The following IFT172 variants were observed in gnomAD, a reference collection of about 807,000 sequenced individuals.
IFT172 encodes intraflagellar transport protein 172 homolog.
In IFT172, 164 loss-of-function variants were observed where a neutral mutation model predicts 248.9. The observed-to-expected ratio is 0.66, with a 90% CI of 0.58 to 0.75. The LOEUF is 0.75. IFT172 is among the 30% of genes least tolerant of loss of function. The pLI, the probability that IFT172 is intolerant of heterozygous loss-of-function variation, is 0.00. For synonymous variants in IFT172, 729 were observed against 791.6 expected (o/e 0.92, Z 1.33); for missense variants, 1,950 against 2,192.4 (o/e 0.89, Z 2.21).
chr2:27,481,563 A>G (rs1668377614), intron 7 of IFT172, among the ~76,000 whole-genome samples: 1 of 148,278 alleles, frequency 6.7e-6, no homozygotes, highest in Non-Finnish European at 1.5e-5. Context: ...TTTTTTTGAG[A>G]CAGAGTCTCA....
chr2:27,476,041 T>C (rs962143693), intron 14 of IFT172, among the ~76,000 whole-genome samples: 1 of 152,122 alleles, frequency 6.6e-6, no homozygotes, highest in African/African-American at 2.4e-5. Context: ...GATTTATAAA[T>C]CTTATATGTT....
chr2:27,457,897 G>C lies in IFT172; in HGVS notation c.3055C>G (p.Leu1019Val). The part of the protein sequence containing the change: ...KHKLYDDMIR[L>V]VGKHHPDLLS... ...AGATCTGGATGGTGCTTCCCTACCA[G>C]GCGGATCATGTCATCATACAACTTG... The change falls in exon 28 of 48, where the codon CTG becomes GTG. Residue 1019 changes from leucine (L) to valine (V), a missense_variant. Coordinates refer to ENST00000260570, the MANE Select transcript of IFT172 (RefSeq NM_015662.3). 1 of 1,614,170 alleles carries C rather than the reference G, an allele frequency of 6.2e-7. No individual in the cohort carries two copies. The highest frequency in any genetic ancestry group is 8.5e-7 in the Non-Finnish European group (1 of 1,180,026).
intron 9 of IFT172, 71 bp downstream of exon 9, chr2:27,479,955 T>C (rs1450110739): frequency 5.8e-6 from 9 of 1,553,206 alleles, no homozygotes; most frequent in South Asian, 1.2e-5. Flanking sequence ...AACAGTGCTT[T>C]AGGATAAGGC....
At chr2:27,449,101 G>A (rs1409712621) in intron 39 of IFT172, 70 bp from the exon 40 acceptor site, 5 of 1,104,850 alleles carry the variant, frequency 4.5e-6, no homozygotes, top group African/African-American at 1.5e-5. Flanking sequence ...GGTGACTTGA[G>A]GCCATGTATT....
intron 17 of IFT172, 33 bp downstream of exon 17, chr2:27,465,713 C>T (rs201426175): frequency 5.6e-6 from 9 of 1,613,584 alleles, no homozygotes; most frequent in Non-Finnish European, 7.6e-6. Context: ...CAGACTCTCC[C>T]ACCACCTCAC....
In IFT172 at chr2:27,453,423, G is replaced by C. The variant is rs1558364062; in HGVS notation, c.3912C>G (p.Asp1304Glu). 1.2e-6 allele frequency: 2 copies of C among 1,614,216 alleles called. No homozygotes were observed. Among genetic ancestry groups the C allele is most frequent in the East Asian group, 2.2e-5 (1 of 44,886 alleles). ...TCTCCGCCAGGCCGCTGTTTCCAGA[G>C]TCTCGCACTTTGAGGTAGCAGTCCA... ...RAVDCYLKVR[D>E]SGNSGLAEKC... The change falls in exon 35 of 48, where the codon GAC (aspartate) becomes GAG (glutamate). Residue 1304 changes from aspartate (D) to glutamate (E), a missense_variant. This residue lies in a region of IFT172 where 620 missense variants were observed against 699.0 expected (regional missense o/e 0.89). Coordinates refer to ENST00000260570, the MANE Select transcript of IFT172 (RefSeq NM_015662.3).
intron 43 of IFT172, 96 bp from the exon 44 acceptor site, chr2:27,446,084 C>T (rs1665066061): frequency 6.7e-7 from 1 of 1,486,706 alleles, no homozygotes; most frequent in Non-Finnish European, 9.4e-7. Context: ...GCAAGCTGGG[C>T]TTGAATGCTA....
In IFT172 at chr2:27,454,450, GAGA is replaced by G. The variant is rs774607133; in HGVS notation, c.3466-35_3466-33del. The G allele has an allele frequency of 3.7e-6, 6 of 1,614,094 alleles. No individual in the cohort carries two copies. The highest frequency in any genetic ancestry group is 3.3e-5 in the Admixed American group (2 of 60,016). ...GGAGAGAAAGGCAGCCGTGCATGAT[GAGA>G]AGGAGACTGGCATCACAGGCAGGCA... On this transcript the variant is annotated intron_variant, in intron 31 of 47. Coordinates refer to ENST00000260570, the MANE Select transcript of IFT172 (RefSeq NM_015662.3). This position sits in a 1 kb window ranked among gnomAD's most constrained non-coding sequence, Gnocchi z 4.2.
chr2:27,470,423 A>C (rs988165020), intron 16 of IFT172, among the ~76,000 whole-genome samples: 1 of 152,228 alleles, frequency 6.6e-6, no homozygotes, highest in African/African-American at 2.4e-5. Flanking sequence ...GGACAAAAAG[A>C]AAGCATCAAG....
chr2:27,485,486 C>T lies in IFT172; in HGVS notation c.57G>A (p.Val19=). 1 of 1,614,034 alleles carries T rather than the reference C, an allele frequency of 6.2e-7. No homozygotes were observed. The highest frequency in any genetic ancestry group is 1.1e-5 in the South Asian group (1 of 91,074). ...TGTTCTGGGACCAAGCCATGCAGGT[C>T]ACCTTTGCAGCTCCATCCTGTAGAG... ...LLSPQDGAAK[V]TCMAWSQNNA... Residue 19 remains valine, a synonymous_variant, in exon 2 of 48, where the codon GTG becomes GTA. Coordinates refer to ENST00000260570, the MANE Select transcript of IFT172 (RefSeq NM_015662.3).
chr2:27,482,293 A>AT (rs1296311342), intron 7 of IFT172, among the ~76,000 whole-genome samples: 1 of 148,294 alleles, frequency 6.7e-6, no homozygotes, highest in East Asian at 2.0e-4. Flanking sequence ...TATACAAGTA[A>AT]TTCTTTTTTT....
chr2:27,456,374 T>G lies in IFT172; in HGVS notation c.3371+137A>C, dbSNP rs1666163358. 4.3e-6 allele frequency: 5 copies of G among 1,157,556 alleles called. No homozygotes were observed. The African/African-American group carries it at 6.2e-5, about 14-fold the overall frequency. 71.7% of individuals were successfully genotyped at this position (1,157,556 alleles called of 1,614,324 possible). On this transcript the variant is annotated intron_variant, in intron 30 of 47. Transcript: ENST00000260570. ...AACACTGTTCTGAGCCCCTAGGGAATAGAAGCAGTTAATTTATTCATGCCA... is the reference window on the plus strand; with the variant it reads ...AACACTGTTCTGAGCCCCTAGGGAAGAGAAGCAGTTAATTTATTCATGCCA...
At chr2:27,459,669 T>G (rs919611340) in intron 24 of IFT172, 40 bp downstream of exon 24, 3 of 1,609,740 alleles carry the variant, frequency 1.9e-6, no homozygotes, top group African/African-American at 2.7e-5. Flanking sequence ...TGCCCCTCAC[T>G]TCACACCTAA....
At chr2:27,455,801 T>C (rs768025773) in intron 30 of IFT172, 85 of 485,570 alleles carry the variant, frequency 1.8e-4, no homozygotes, top group Non-Finnish European at 2.9e-4. Context: ...GTTGGCATCA[T>C]GGACCATGAA....
chr2:27,485,455 T>G lies in IFT172; in HGVS notation c.88A>C (p.Lys30Gln). ...TCMAWSQNNA[K>Q]FAVCTVDRVV... The stretch of plus-strand genomic sequence containing the variant: ...CGGTCCACTGTGCAGACAGCAAATT[T>G]GGCATTGTTCTGGGACCAAGCCATG... Residue 30 changes from lysine to glutamine, a missense_variant, in exon 2 of 48, where the codon AAA (lysine) becomes CAA (glutamine). Around this residue, in one of 3 missense-constraint regions of IFT172, gnomAD observed 1,166 missense variants for 1,254.1 expected, o/e 0.93. Coordinates refer to ENST00000260570, the MANE Select transcript of IFT172 (RefSeq NM_015662.3). The G allele has an allele frequency of 1.2e-6, 2 of 1,614,144 alleles. No individual in the cohort carries two copies. The highest frequency in any genetic ancestry group is 1.7e-6 in the Non-Finnish European group (2 of 1,179,970).
chr2:27,449,544 G>C lies in IFT172; in HGVS notation c.4179C>G (p.Asp1393Glu), dbSNP rs767682929. ...ELDPRYEDYV[D>E]QHYKEFLKNQ... Reference sequence around the variant, plus strand: ...TCTTGAGGAACTCTTTATAATGCTGGTCCACATAGTCTTCATACCTGTGAA... The same window carrying C: ...TCTTGAGGAACTCTTTATAATGCTGCTCCACATAGTCTTCATACCTGTGAA... The change falls in exon 38 of 48, where the codon GAC becomes GAG. Residue 1393 changes from aspartate (D) to glutamate (E), a missense_variant. By Grantham distance (45) the Asp-to-Glu change is conservative. This residue lies in a region of IFT172 where 620 missense variants were observed against 699.0 expected (regional missense o/e 0.89). Transcript: ENST00000260570. 6.2e-7 allele frequency: 1 copy of C among 1,614,070 alleles called. No individual in the cohort carries two copies. Among genetic ancestry groups the C allele is most frequent in the Non-Finnish European group, 8.5e-7 (1 of 1,180,014 alleles).
intron 29 of IFT172, among the ~76,000 whole-genome samples, chr2:27,457,045 A>C (rs548798825): frequency 6.6e-6 from 1 of 152,186 alleles, no homozygotes; most frequent in African/African-American, 2.4e-5. Flanking sequence ...ACTCCATCTC[A>C]AAAAATAAAA....
At chr2:27,479,484 T>G in intron 10 of IFT172, 25 bp downstream of exon 10, 2 of 1,314,126 alleles carry the variant, frequency 1.5e-6, no homozygotes, top group Non-Finnish European at 2.2e-6. Flanking sequence ...AAGTTCTCAG[T>G]GCAGTAGGCT....
chr2:27,457,428 A>G (rs1394379411), intron 29 of IFT172, among the ~76,000 whole-genome samples: 3 of 152,154 alleles, frequency 2.0e-5, no homozygotes, highest in Non-Finnish European at 2.9e-5. Context: ...AAAATTAGCC[A>G]GCTGTGGTGG....
Sources: gnomAD v4.1 joint callset for allele counts (sites outside exome capture counted in the v4.1 genomes callset) on GRCh38, gnomAD v4.1.1 for gene constraint, gnomAD v4.1.1 regional missense constraint, Gnocchi (gnomAD v3.1) non-coding constraint, MANE v1.5 for transcripts, NCBI Gene and HGNC (gene_info 2026-07-23, HGNC 2026-07-21) for gene names.